SPINT2: variants seen among roughly 807,000 people sequenced by gnomAD.
SPINT2 encodes serine peptidase inhibitor, Kunitz type 2.
In SPINT2, 18 loss-of-function variants were observed where a neutral mutation model predicts 30.1. That is an observed-to-expected ratio of 0.60 (90% CI 0.41 to 0.89). The LOEUF (loss-of-function observed/expected upper bound fraction) is 0.89, where lower values mean the gene tolerates loss of function less well. Ranked by LOEUF, SPINT2 falls within the 40% of genes least tolerant of loss-of-function variation. SPINT2 has a pLI of 0.00. For missense variants in SPINT2, 276 were observed against 334.3 expected, an observed-to-expected ratio of 0.83 and a Z score of 1.36; for synonymous variants, 139 against 137.9, an observed-to-expected ratio of 1.01 and a Z score of -0.05.
At chr19:38,265,772 A>G (rs1311922721) in intron 1 of SPINT2, 1 of 152,388 alleles carries the variant, frequency 6.6e-6, no homozygotes, top group Non-Finnish European at 1.5e-5. Flanking sequence ...CTTGAAAGCA[A>G]GAATTCATTG....
intron 1 of SPINT2, among the ~76,000 whole-genome samples, chr19:38,276,114 C>T (rs1323127997): frequency 6.6e-6 from 1 of 152,120 alleles, no homozygotes; most frequent in Non-Finnish European, 1.5e-5. Context: ...GACGGGCAGG[C>T]CAATTGCTGC....
At chr19:38,288,224 G>A (rs1313521685) in intron 3 of SPINT2, among the ~76,000 whole-genome samples, 2 of 152,048 alleles carry the variant, frequency 1.3e-5, no homozygotes. Flanking sequence ...ATGAGGCTCA[G>A]GCCCCTCCTT....
At chr19:38,268,766 C>CGCGCGCGTGTGTGT (rs375982086) in intron 1 of SPINT2, among the ~76,000 whole-genome samples, 1 of 149,818 alleles carries the variant, frequency 6.7e-6, no homozygotes, top group African/African-American at 2.5e-5. Context: ...TGCGCGCGCG[C>CGCGCGCGTGTGTGT]GTGTGTGTGT....
intron 1 of SPINT2, among the ~76,000 whole-genome samples, chr19:38,267,482 G>A (rs1968393302): frequency 6.6e-6 from 1 of 152,072 alleles, no homozygotes; most frequent in Non-Finnish European, 1.5e-5. Context: ...ATGAGGGGGC[G>A]GAGGGCCGAG....
At chr19:38,273,237 G>C (rs1222397965) in intron 1 of SPINT2, among the ~76,000 whole-genome samples, 1 of 151,850 alleles carries the variant, frequency 6.6e-6, no homozygotes, top group Non-Finnish European at 1.5e-5. Context: ...ATGGGTAGTT[G>C]GTAGCTTTCT....
intron 1 of SPINT2, among the ~76,000 whole-genome samples, chr19:38,266,851 G>A (rs888597173): frequency 2.6e-5 from 4 of 152,162 alleles, no homozygotes; most frequent in African/African-American, 9.7e-5. Context: ...CTTGCAATTC[G>A]AACCAGAATT....
rs1166445563 is a variant in SPINT2, at chr19:38,290,343, T to C, written c.553+63T>C. 2 of 1,590,694 alleles carry C rather than the reference T, an allele frequency of 1.3e-6. No homozygotes were observed. The highest frequency in any genetic ancestry group is 1.7e-6 in the Non-Finnish European group (2 of 1,169,138). On this transcript the variant is annotated intron_variant, in intron 5 of 6. Coordinates refer to ENST00000301244, the MANE Select transcript of SPINT2 (RefSeq NM_021102.4). The surrounding 1 kb of genome is among the most constrained non-coding windows in gnomAD (Gnocchi z 4.3). The stretch of plus-strand genomic sequence containing the variant: ...TTGAGGACCCCGGTCCATCTCCCCA[T>C]CCCTAAAATATGAAGGCCTTGGAAA...
At chr19:38,274,501 T>C (rs942354098) in intron 1 of SPINT2, among the ~76,000 whole-genome samples, 3 of 152,114 alleles carry the variant, frequency 2.0e-5, no homozygotes, top group Non-Finnish European at 4.4e-5. Context: ...TTTTTAGTGA[T>C]GTTAGTTGTT....
At chr19:38,291,648 G>T (rs990489462) in intron 6 of SPINT2, 192 bp from the exon 7 acceptor site, 3 of 654,358 alleles carry the variant, frequency 4.6e-6, no homozygotes, top group Non-Finnish European at 7.6e-6. Context: ...TCCTTTTTTG[G>T]GGGACTCTCC....
chr19:38,275,612 A>C (rs538642738), intron 1 of SPINT2, among the ~76,000 whole-genome samples: 199 of 152,298 alleles, frequency 1.3e-3, no homozygotes, highest in Non-Finnish European at 2.3e-3. Context: ...TTGTAGAGAC[A>C]GGGTCTCACT....
intron 1 of SPINT2, among the ~76,000 whole-genome samples, chr19:38,282,938 T>G (rs1316661675): frequency 1.3e-5 from 2 of 152,080 alleles, no homozygotes; most frequent in Admixed American, 6.5e-5. Flanking sequence ...CTTTCAGCCC[T>G]AAGCTCCCCT....
intron 1 of SPINT2, among the ~76,000 whole-genome samples, chr19:38,269,290 G>C (rs1054045978): frequency 2.6e-5 from 4 of 151,516 alleles, no homozygotes; most frequent in Non-Finnish European, 5.9e-5. Flanking sequence ...GTAGAGACAG[G>C]GTCTCACCAC....
At chr19:38,276,519 G>A (rs562645513) in intron 1 of SPINT2, among the ~76,000 whole-genome samples, 1 of 151,982 alleles carries the variant, frequency 6.6e-6, no homozygotes, top group East Asian at 2.0e-4. Context: ...GCGGGCGCCT[G>A]TAGTCCCAGC....
intron 1 of SPINT2, among the ~76,000 whole-genome samples, chr19:38,267,708 C>T (rs1968397003): frequency 6.6e-6 from 1 of 151,862 alleles, no homozygotes; most frequent in Admixed American, 6.6e-5. Context: ...GGTCAGAGGA[C>T]CATCTACCTG....
intron 2 of SPINT2, among the ~76,000 whole-genome samples, chr19:38,284,185 T>C (rs1477668770): frequency 6.6e-6 from 1 of 151,182 alleles, no homozygotes; most frequent in African/African-American, 2.4e-5. Context: ...CTCCACCTCC[T>C]GGGCTCAAGC....
chr19:38,280,240 G>A (rs568872708), intron 1 of SPINT2, among the ~76,000 whole-genome samples: 1 of 152,178 alleles, frequency 6.6e-6, no homozygotes, highest in East Asian at 1.9e-4. Context: ...GATCGTGACC[G>A]TGCTCCGGAA....
chr19:38,289,547 T>G, intron 4 of SPINT2: 1 of 220,586 alleles, frequency 4.5e-6, no homozygotes, highest in South Asian at 5.7e-5. Context: ...GCAAAACATG[T>G]ATTCTTAGTT....
Position 38,291,834 on chromosome 19 carries a change from C to A in SPINT2, c.593-6C>A, listed in dbSNP as rs374925268. 1.9e-6 allele frequency: 3 copies of A among 1,612,124 alleles called. No homozygotes were observed. The African/African-American group carries it at 4.0e-5, about 22-fold the overall frequency. ...GCCCGTCCTGAGGCCCCTCTCTCGT[C>A]CTCAGTGGTGGTTCTGGCGGGGCTG... On this transcript the variant is annotated splice_region_variant and splice_polypyrimidine_tract_variant and intron_variant, in intron 6 of 6. Transcript: ENST00000301244.
At chr19:38,287,981 G>C (rs1469588529) in intron 3 of SPINT2, 46 bp downstream of exon 3, 1 of 1,594,746 alleles carries the variant, frequency 6.3e-7, no homozygotes, top group Non-Finnish European at 8.6e-7. Flanking sequence ...CACCGGATGG[G>C]TCATTGTGAA....
Sources: gnomAD v4.1 joint callset for allele counts (sites outside exome capture counted in the v4.1 genomes callset) on GRCh38, gnomAD v4.1.1 for gene constraint, Gnocchi (gnomAD v3.1) non-coding constraint, MANE v1.5 for transcripts, NCBI Gene and HGNC (gene_info 2026-07-23, HGNC 2026-07-21) for gene names.